The following PRKG1 variants were observed in gnomAD, a reference collection of about 807,000 sequenced individuals.
PRKG1 encodes the protein cGMP-dependent protein kinase 1.
PRKG1 carries 35 observed loss-of-function variants against 88.1 expected under a neutral mutation model. That is an observed-to-expected ratio of 0.40 (90% CI 0.30 to 0.53). The LOEUF is 0.53. Ranked by LOEUF, PRKG1 falls within the 20% of genes least tolerant of loss-of-function variation. The pLI, the probability that PRKG1 is intolerant of heterozygous loss-of-function variation, is 0.59. For synonymous variants in PRKG1, 303 were observed against 292.5 expected, an observed-to-expected ratio of 1.04 and a Z score of -0.37; for missense variants, 540 against 839.8, an observed-to-expected ratio of 0.64 and a Z score of 4.41.
intron 7 of PRKG1, among the ~76,000 whole-genome samples, chr10:52,100,786 T>C (rs1200487312): frequency 6.6e-6 from 1 of 152,244 alleles, no homozygotes; most frequent in Non-Finnish European, 1.5e-5. Context: ...TCATTTTATT[T>C]TTTCCAACCT....
intron 1 of PRKG1, among the ~76,000 whole-genome samples, chr10:51,054,712 T>C (rs556500170): frequency 1.3e-5 from 2 of 152,294 alleles, no homozygotes; most frequent in African/African-American, 4.8e-5. Flanking sequence ...TGTTGGATCA[T>C]GATACCATAG....
intron 2 of PRKG1, among the ~76,000 whole-genome samples, chr10:51,330,446 C>T (rs952205381): frequency 2.4e-4 from 37 of 152,248 alleles, no homozygotes; most frequent in Non-Finnish European, 3.8e-4. Flanking sequence ...CCACCACACC[C>T]GGCCACGTTC....
At chr10:51,426,246 A>T (rs559703324) in intron 2 of PRKG1, among the ~76,000 whole-genome samples, 4 of 152,146 alleles carry the variant, frequency 2.6e-5, no homozygotes, top group African/African-American at 9.6e-5. Context: ...ATGCGACTGT[A>T]CTCCAGCCTG....
chr10:51,082,399 C>A (rs1363197385), intron 1 of PRKG1, among the ~76,000 whole-genome samples: 2 of 152,164 alleles, frequency 1.3e-5, no homozygotes, highest in East Asian at 3.9e-4. Flanking sequence ...GGTTCCCAAA[C>A]TTTCCTGCGC....
In PRKG1 at chr10:51,125,127, G is replaced by C. The variant is rs139846858; in HGVS notation, c.312-28037G>C. Among the ~76,000 whole-genome samples, 967 of 152,154 alleles carry C rather than the reference G, an allele frequency of 6.4e-3. 15 individuals carry two copies. The highest frequency in any genetic ancestry group is 0.022 in the African/African-American group (923 of 41,500). ...GAGCCCAGGAGTTCGAGAGCAGGTT[G>C]AGCAACATAACTAAACCCTGTCTCT... On this transcript the variant is annotated intron_variant, in intron 1 of 17. Coordinates refer to ENST00000373980, the MANE Select transcript of PRKG1 (RefSeq NM_006258.4).
chr10:52,118,586 T>G (rs1847743196), intron 7 of PRKG1, among the ~76,000 whole-genome samples: 2 of 152,096 alleles, frequency 1.3e-5, no homozygotes, highest in South Asian at 4.1e-4. Flanking sequence ...GTTTAATAAT[T>G]CAAATGCCAT....
At chr10:52,233,785 G>T (rs1466035078) in intron 9 of PRKG1, among the ~76,000 whole-genome samples, 2 of 151,812 alleles carry the variant, frequency 1.3e-5, no homozygotes, top group Non-Finnish European at 2.9e-5. Context: ...AAAGCAGCCG[G>T]GAAGCTCGAA....
intron 8 of PRKG1, among the ~76,000 whole-genome samples, chr10:52,141,700 A>G (rs1837585914): frequency 6.6e-6 from 1 of 152,184 alleles, no homozygotes; most frequent in Admixed American, 6.6e-5. Flanking sequence ...AATTTTTAAT[A>G]TGCTGGTGGG....
At chr10:51,180,921 A>G (rs1204250293) in intron 2 of PRKG1, among the ~76,000 whole-genome samples, 2 of 152,204 alleles carry the variant, frequency 1.3e-5, no homozygotes, top group Non-Finnish European at 2.9e-5. Flanking sequence ...AAAGTGGTGA[A>G]AATGAACTCT....
Position 51,491,872 on chromosome 10 carries a change from T to G in PRKG1, c.592+24036T>G, listed in dbSNP as rs373484429. Among the ~76,000 whole-genome samples, 17 of 152,220 alleles carry G rather than the reference T, an allele frequency of 1.1e-4. 2 individuals are homozygous for G. Among genetic ancestry groups the G allele is most frequent in the Admixed American group, 8.5e-4 (13 of 15,274 alleles). On this transcript the variant is annotated intron_variant, in intron 3 of 17. Transcript: ENST00000373980. ...TTTGGTCTTTATATACACTAAGTCT[T>G]GTAGAAGTCTTGTAGAAGTCATCCT...
chr10:51,036,337 G>A (rs1402085125), intron 1 of PRKG1, among the ~76,000 whole-genome samples: 2 of 152,012 alleles, frequency 1.3e-5, no homozygotes, highest in African/African-American at 2.4e-5. Flanking sequence ...TGAATGACAG[G>A]TATTACTTTC....
chr10:51,981,245 T>G (rs1844001567), intron 5 of PRKG1, among the ~76,000 whole-genome samples: 1 of 152,202 alleles, frequency 6.6e-6, no homozygotes, highest in South Asian at 2.1e-4. Flanking sequence ...CATATTAAGC[T>G]TAATTTGGCC....
chr10:51,856,031 C>T (rs918748259), intron 4 of PRKG1, among the ~76,000 whole-genome samples: 3 of 152,172 alleles, frequency 2.0e-5, no homozygotes, highest in Non-Finnish European at 4.4e-5. Context: ...CTTTTAGATG[C>T]TGTCAGCATC....
At chr10:51,363,026 C>T (rs1842516679) in intron 2 of PRKG1, among the ~76,000 whole-genome samples, 1 of 151,842 alleles carries the variant, frequency 6.6e-6, no homozygotes, top group Non-Finnish European at 1.5e-5. Flanking sequence ...ACCTGTAGTG[C>T]CTTTTCAAAA....
At chr10:51,385,777 T>G (rs1363013311) in intron 2 of PRKG1, among the ~76,000 whole-genome samples, 2 of 152,178 alleles carry the variant, frequency 1.3e-5, no homozygotes, top group African/African-American at 4.8e-5. Context: ...GAAAGTCTCT[T>G]TATTTCTTCT....
chr10:51,109,808 T>C (rs1319341827), intron 1 of PRKG1, among the ~76,000 whole-genome samples: 1 of 152,060 alleles, frequency 6.6e-6, no homozygotes, highest in Non-Finnish European at 1.5e-5. Context: ...AAAAGGAATG[T>C]AACAGACTGG....
rs61849731 is a variant in PRKG1, at chr10:51,138,746, G to A, written c.312-14418G>A. ...TCACCAGGCTGGAGTACAGTGGCATGATCTCGGCTCACTGCAACCTCTGCC... is the reference window on the plus strand; with the variant it reads ...TCACCAGGCTGGAGTACAGTGGCATAATCTCGGCTCACTGCAACCTCTGCC... On this transcript the variant is annotated intron_variant, in intron 1 of 17. Transcript: ENST00000373980. 2.4e-4 allele frequency among the ~76,000 whole-genome samples: 30 copies of A among 123,134 alleles called. No homozygotes were observed. The South Asian group carries it at 8.3e-3, about 34-fold the overall frequency. The allele number at this position is 123,134 out of a possible 152,430, so 80.8% of individuals were successfully genotyped here.
intron 4 of PRKG1, among the ~76,000 whole-genome samples, chr10:51,881,224 T>C (rs539252726): frequency 6.6e-6 from 1 of 152,296 alleles, no homozygotes; most frequent in South Asian, 2.1e-4. Flanking sequence ...AGATCATACA[T>C]GGCCTCAAAT....
chr10:51,718,796 G>C (rs1173688897), intron 3 of PRKG1, among the ~76,000 whole-genome samples: 1 of 151,484 alleles, frequency 6.6e-6, no homozygotes, highest in Non-Finnish European at 1.5e-5. Flanking sequence ...GGGGCCAGGG[G>C]TGAGGGGAGT....
Sources: allele counts gnomAD v4.1 joint callset (sites outside exome capture counted in the v4.1 genomes callset), GRCh38; gene constraint gnomAD v4.1.1; transcripts MANE v1.5; gene names NCBI Gene and HGNC (gene_info 2026-07-23, HGNC 2026-07-21).